Variants in BBS7 observed in about 807,000 individuals in gnomAD.
BBS7 encodes the protein BBSome complex member BBS7.
In BBS7, 50 loss-of-function variants were observed where a neutral mutation model predicts 90.3. The observed-to-expected ratio is 0.55, with a 90% CI of 0.44 to 0.70. The LOEUF (loss-of-function observed/expected upper bound fraction) is 0.70. Ranked by LOEUF, BBS7 falls within the 30% of genes least tolerant of loss-of-function variation. BBS7 has a pLI of 0.00. For synonymous variants in BBS7, 235 were observed against 287.4 expected, an observed-to-expected ratio of 0.82 and a Z score of 1.85; for missense variants, 729 against 838.9, an observed-to-expected ratio of 0.87 and a Z score of 1.62.
At chr4:121,853,121 G>A (rs1253046715) in intron 7 of BBS7, 35 bp from the exon 8 acceptor site, 1 of 1,599,852 alleles carries the variant, frequency 6.3e-7, no homozygotes, top group Admixed American at 1.7e-5. Context: ...TTATTAAGAA[G>A]ACTAATAGTT....
intron 18 of BBS7, among the ~76,000 whole-genome samples, chr4:121,827,343 G>A (rs1415602496): frequency 6.6e-6 from 1 of 152,172 alleles, no homozygotes; most frequent in Admixed American, 6.5e-5. Context: ...GACTATGGAA[G>A]GCTTGGCATA....
At chr4:121,849,277 T>C (rs1268168240) in intron 8 of BBS7, among the ~76,000 whole-genome samples, 1 of 152,210 alleles carries the variant, frequency 6.6e-6, no homozygotes, top group African/African-American at 2.4e-5. Flanking sequence ...CACAGCTCAC[T>C]GCAGCCTTGA....
chr4:121,865,220 T>C (rs901491998), intron 2 of BBS7, among the ~76,000 whole-genome samples: 5 of 150,168 alleles, frequency 3.3e-5, no homozygotes, highest in African/African-American at 9.8e-5. Flanking sequence ...CTGCAAATGA[T>C]AGGATTTCAT....
intron 12 of BBS7, among the ~76,000 whole-genome samples, chr4:121,842,905 C>A (rs1725816498): frequency 6.6e-6 from 1 of 152,158 alleles, no homozygotes; most frequent in Non-Finnish European, 1.5e-5. Context: ...TCCAAAAGCA[C>A]TGACGTGATC....
chr4:121,841,626 T>C (rs1325963996), intron 12 of BBS7, among the ~76,000 whole-genome samples: 1 of 152,118 alleles, frequency 6.6e-6, no homozygotes, highest in Non-Finnish European at 1.5e-5. Flanking sequence ...TGCAAGTTAT[T>C]ATACTAGTCT....
intron 8 of BBS7, among the ~76,000 whole-genome samples, chr4:121,851,379 G>GAA (rs34225067): frequency 2.5e-4 from 27 of 107,014 alleles, no homozygotes; most frequent in East Asian, 5.1e-4. Context: ...CAAGGAGCAG[G>GAA]AAAAAAAAAA....
Position 121,828,464 on chromosome 4 carries a change from G to T in BBS7, c.1828C>A (p.His610Asn), listed in dbSNP as rs759359910. The change falls in exon 17 of 19, where the codon CAC becomes AAC. Residue 610 changes from histidine to asparagine, a missense_variant. Physicochemically the swap from His to Asn is moderately conservative, Grantham distance 68. Coordinates refer to ENST00000264499, the MANE Select transcript of BBS7 (RefSeq NM_176824.3). ...AGCAACTGGTACTCCAGCTTTGGGT[G>T]GATTAGCTTTAAAGTGTGTTTGACT... is the stretch of plus-strand genomic sequence containing the variant. ...VSVKHTLKLI[H>N]PKLEYQLLLA... The T allele has an allele frequency of 6.2e-7, 1 of 1,613,880 alleles. No individual in the cohort carries two copies. The highest frequency in any genetic ancestry group is 8.5e-7 in the Non-Finnish European group (1 of 1,179,892).
At chr4:121,839,747 CA>C (rs750901646) in intron 12 of BBS7, 51 bp from the exon 13 acceptor site, 94 of 1,453,234 alleles carry the variant, frequency 6.5e-5, no homozygotes, top group Non-Finnish European at 8.4e-5. Flanking sequence ...TTTTTAGCAA[CA>C]AAAAAAAGAC....
intron 13 of BBS7, 24 bp from the exon 14 acceptor site, chr4:121,835,307 TA>T: frequency 6.2e-7 from 1 of 1,612,608 alleles, no homozygotes; most frequent in Non-Finnish European, 8.5e-7. Flanking sequence ...AAAGAGGAAA[TA>T]AAATAAGAAT....
chr4:121,839,564 G>T, intron 13 of BBS7, 67 bp downstream of exon 13: 2 of 1,244,924 alleles, frequency 1.6e-6, no homozygotes, highest in East Asian at 2.4e-5. Flanking sequence ...ATCATATGTT[G>T]TAAGACATAC....
At position 121,839,026 on chromosome 4, in the gene BBS7, TG is replaced by T. The variant is rs1464296566; in HGVS notation, c.1371+604del. On this transcript the variant is annotated intron_variant, in intron 13 of 18. Transcript: ENST00000264499. ...TGATTTTTCTTAGGTGTGATAATAG[TG>T]TTGTAGTTATGTTTTAAAAAAAGAG... is the stretch of plus-strand genomic sequence containing the variant. Among the ~76,000 whole-genome samples the T allele has an allele frequency of 4.6e-5, 7 of 152,144 alleles. No homozygotes were observed. The South Asian group carries it at 1.0e-3, about 23-fold the overall frequency.
At chr4:121,838,102 TA>T (rs35773052) in intron 13 of BBS7, among the ~76,000 whole-genome samples, 248 of 144,682 alleles carry the variant, frequency 1.7e-3, no homozygotes, top group South Asian at 5.6e-3. Flanking sequence ...AGACTCCATC[TA>T]AAAAAAAAAA....
rs749361773 is a variant in BBS7 at position 121,868,068 on chromosome 4, C to T, written c.37-22G>A. The T allele has an allele frequency of 1.9e-5, 30 of 1,593,104 alleles. No homozygotes were observed. In the South Asian group the frequency reaches 2.5e-4, roughly 13 times the overall value. On this transcript the variant is annotated intron_variant, in intron 1 of 18. Coordinates refer to ENST00000264499, the MANE Select transcript of BBS7 (RefSeq NM_176824.3). The stretch of plus-strand genomic sequence containing the variant: ...CCACCTAAAGAAAAACACCAGATGC[C>T]TAGTGAATTTAATTTGAAGTTATTA...
chr4:121,865,272 CT>C (rs1727199376), intron 2 of BBS7, among the ~76,000 whole-genome samples: 1 of 148,614 alleles, frequency 6.7e-6, no homozygotes, highest in African/African-American at 2.5e-5. Flanking sequence ...GAGTTTTGCC[CT>C]TGTCGGCCAG....
chr4:121,828,018 C>G, intron 18 of BBS7, 128 bp downstream of exon 18: 1 of 1,511,078 alleles, frequency 6.6e-7, no homozygotes, highest in Admixed American at 2.3e-5. Flanking sequence ...TCAACTGATT[C>G]ATGACTGGTT....
intron 1 of BBS7, among the ~76,000 whole-genome samples, chr4:121,869,139 A>C (rs1727449494): frequency 6.6e-6 from 1 of 152,312 alleles, no homozygotes; most frequent in South Asian, 2.1e-4. Context: ...GATTCAAGAG[A>C]TATTTGGGAG....
Position 121,832,009 on chromosome 4 carries a change from AACACACAC to A in BBS7, c.1676+1214_1676+1221del, listed in dbSNP as rs375865529. Among the ~76,000 whole-genome samples the A allele has an allele frequency of 5.8e-3, 829 of 142,868 alleles. 6 individuals carry two copies. Among genetic ancestry groups the A allele is most frequent in the African/African-American group, 0.02 (730 of 37,382 alleles). 93.7% of individuals were successfully genotyped at this position (142,868 alleles called of 152,430 possible). A position where few individuals can be genotyped will look rare whatever the true frequency, so the allele number is the denominator to read the frequency against. ...AATAACACAAAGCAAAAAAAACAAA[AACACACAC>A]ACACACACACACACACACACACACA... On this transcript the variant is annotated intron_variant, in intron 15 of 18. Transcript: ENST00000264499.
chr4:121,848,760 A>G, intron 9 of BBS7, 84 bp downstream of exon 9: 1 of 1,138,350 alleles, frequency 8.8e-7, no homozygotes, highest in Non-Finnish European at 1.3e-6. Context: ...TGTTTTTTAA[A>G]AAGAGTCATC....
At chr4:121,832,005 CAA>C (rs977192306) in intron 15 of BBS7, among the ~76,000 whole-genome samples, 23 of 121,248 alleles carry the variant, frequency 1.9e-4, no homozygotes, top group African/African-American at 4.5e-4. Context: ...GCAAAAAAAA[CAA>C]AAACACACAC....
Sources: allele counts gnomAD v4.1 joint callset (sites outside exome capture counted in the v4.1 genomes callset), GRCh38; gene constraint gnomAD v4.1.1; transcripts MANE v1.5; gene names NCBI Gene and HGNC (gene_info 2026-07-23, HGNC 2026-07-21).